Variants in ERP44 observed in about 807,000 individuals in gnomAD.
ERP44 encodes endoplasmic reticulum protein 44, also known as endoplasmic reticulum resident protein 44.
Under a neutral mutation model 53.4 loss-of-function variants are expected in ERP44, and 25 were observed. The observed-to-expected ratio is 0.47, with a 90% confidence interval of 0.34 to 0.65. The LOEUF is 0.65. ERP44 is among the 30% of genes least tolerant of loss of function. The pLI, the probability that ERP44 is intolerant of heterozygous loss-of-function variation, is 0.01. For synonymous variants in ERP44, 145 were observed against 161.2 expected (o/e 0.90, Z 0.76); for missense variants, 338 against 493.2 (o/e 0.69, Z 2.98).
intron 1 of ERP44, among the ~76,000 whole-genome samples, chr9:100,094,875 G>A (rs1826606068): frequency 6.6e-6 from 1 of 151,744 alleles, no homozygotes; most frequent in African/African-American, 2.4e-5. Context: ...AGGAGGCTGA[G>A]GTGAAAGGAT....
chr9:100,089,314 T>A (rs903550272), intron 1 of ERP44, among the ~76,000 whole-genome samples: 2 of 152,076 alleles, frequency 1.3e-5, no homozygotes, highest in Admixed American at 1.3e-4. Context: ...GCGTGGTGGC[T>A]CATGCCTGTT....
At chr9:100,065,575 T>C (rs551910759) in intron 1 of ERP44, among the ~76,000 whole-genome samples, 4 of 152,240 alleles carry the variant, frequency 2.6e-5, no homozygotes, top group South Asian at 2.1e-4. Flanking sequence ...AAATATCTCA[T>C]TGTACATCAT....
chr9:100,004,514 G>A (rs1477843432), intron 10 of ERP44, among the ~76,000 whole-genome samples: 1 of 152,216 alleles, frequency 6.6e-6, no homozygotes, highest in Admixed American at 6.5e-5. Flanking sequence ...CCAGCCTGGA[G>A]TCTGGGGCCA....
At chr9:100,015,216 T>A (rs1276802351) in intron 8 of ERP44, among the ~76,000 whole-genome samples, 1 of 152,224 alleles carries the variant, frequency 6.6e-6, no homozygotes, top group African/African-American at 2.4e-5. Context: ...TCTGTGATAA[T>A]TTTGGGGGAC....
intron 10 of ERP44, among the ~76,000 whole-genome samples, chr9:99,996,541 T>C (rs947305274): frequency 2.0e-5 from 3 of 151,492 alleles, no homozygotes; most frequent in African/African-American, 4.9e-5. Flanking sequence ...TTCTTTTTTT[T>C]CCCCCATTGG....
At chr9:100,034,000 A>G (rs914920711) in intron 4 of ERP44, among the ~76,000 whole-genome samples, 6 of 152,186 alleles carry the variant, frequency 3.9e-5, no homozygotes, top group African/African-American at 7.2e-5. Flanking sequence ...AATATGCCAG[A>G]GGCCACTCAA....
chr9:99,982,622 T>C lies in ERP44; in HGVS notation c.1211A>G (p.Asp404Gly). 6.4e-7 allele frequency: 1 copy of C among 1,559,784 alleles called. No homozygotes were observed. The highest frequency in any genetic ancestry group is 8.6e-7 in the Non-Finnish European group (1 of 1,156,214). The change falls in exon 12 of 12, where the codon GAT becomes GGT. Residue 404 changes from aspartate (D) to glycine (G), a missense_variant. Physicochemically the swap from Asp to Gly is moderately conservative, Grantham distance 94. Coordinates refer to ENST00000262455, the MANE Select transcript of ERP44 (RefSeq NM_015051.3). ...EYRYTLLRDR[D>G]EL ...CTGTTTTTCAAGTTTTTAAAGCTCA[T>C]CTCGATCCCTCAATAGAGTATACCT...
At chr9:100,060,297 A>C in intron 1 of ERP44, 125 bp from the exon 2 acceptor site, 1 of 1,050,860 alleles carries the variant, frequency 9.5e-7, no homozygotes, top group South Asian at 3.2e-5. Flanking sequence ...AATTGAATTG[A>C]ATCTTTATTA....
At chr9:100,068,560 AG>A (rs1470422189) in intron 1 of ERP44, among the ~76,000 whole-genome samples, 1 of 126,714 alleles carries the variant, frequency 7.9e-6, no homozygotes, top group Non-Finnish European at 1.6e-5. Flanking sequence ...CCCGTCGGGG[AG>A]GGAGGTGGGG....
At chr9:99,985,850 C>T (rs1201490086) in intron 10 of ERP44, among the ~76,000 whole-genome samples, 1 of 152,214 alleles carries the variant, frequency 6.6e-6, no homozygotes, top group African/African-American at 2.4e-5. Flanking sequence ...AACAAGGGGA[C>T]TTCCCCAGGA....
intron 4 of ERP44, among the ~76,000 whole-genome samples, chr9:100,040,431 A>G (rs1294156971): frequency 6.6e-6 from 1 of 152,212 alleles, no homozygotes; most frequent in Admixed American, 6.5e-5. Context: ...GATTATTTCA[A>G]TTGATGCTGA....
At chr9:100,021,877 G>A (rs1289701290) in intron 5 of ERP44, among the ~76,000 whole-genome samples, 165 bp downstream of exon 5, 2 of 152,140 alleles carry the variant, frequency 1.3e-5, no homozygotes, top group African/African-American at 4.8e-5. Context: ...TATAACATAA[G>A]CATTTGCCTT....
intron 2 of ERP44, 28 bp from the exon 3 acceptor site, chr9:100,057,887 G>A (rs748795943): frequency 6.6e-7 from 1 of 1,513,578 alleles, no homozygotes; most frequent in Non-Finnish European, 9.1e-7. Context: ...AACCAAATAA[G>A]ATATTTGTAA....
At chr9:100,024,109 G>A (rs936542679) in intron 4 of ERP44, among the ~76,000 whole-genome samples, 6 of 152,074 alleles carry the variant, frequency 3.9e-5, no homozygotes, top group African/African-American at 7.2e-5. Context: ...AACCAAGATC[G>A]TGCCAGTGCA....
chr9:100,020,096 G>GA (rs1481488882), intron 6 of ERP44, among the ~76,000 whole-genome samples: 6 of 152,178 alleles, frequency 3.9e-5, no homozygotes, highest in African/African-American at 1.4e-4. Context: ...ACACAAGCAG[G>GA]AACAACTGAT....
chr9:100,073,051 A>G (rs1191152179), intron 1 of ERP44, among the ~76,000 whole-genome samples: 1 of 152,244 alleles, frequency 6.6e-6, no homozygotes, highest in East Asian at 1.9e-4. Context: ...GCTTTAATGA[A>G]GCAGTTGACA....
chr9:100,070,309 G>A (rs1342466430), intron 1 of ERP44, among the ~76,000 whole-genome samples: 2 of 152,118 alleles, frequency 1.3e-5, no homozygotes, highest in Non-Finnish European at 2.9e-5. Flanking sequence ...TAGACACTGT[G>A]AAAAACATAA....
chr9:99,993,761 C>CAGATGGGT (rs1830280986), intron 10 of ERP44, among the ~76,000 whole-genome samples: 1 of 152,116 alleles, frequency 6.6e-6, no homozygotes, highest in African/African-American at 2.4e-5. Context: ...CCAATCTACC[C>CAGATGGGT]ATCTGACAAA....
At chr9:100,065,580 C>CA (rs1170106935) in intron 1 of ERP44, among the ~76,000 whole-genome samples, 1 of 152,068 alleles carries the variant, frequency 6.6e-6, no homozygotes, top group Non-Finnish European at 1.5e-5. Context: ...TCTCATTGTA[C>CA]ATCATAAATA....
Sources: gnomAD v4.1 joint callset for allele counts (sites outside exome capture counted in the v4.1 genomes callset) on GRCh38, gnomAD v4.1.1 for gene constraint, MANE v1.5 for transcripts, NCBI Gene and HGNC (gene_info 2026-07-23, HGNC 2026-07-21) for gene names.